Variants in PPP2R5B observed in about 807,000 individuals in gnomAD.
PPP2R5B encodes protein phosphatase 2 regulatory subunit B'beta, also known as serine/threonine-protein phosphatase 2A 56 kDa regulatory subunit beta isoform.
PPP2R5B carries 19 observed loss-of-function variants against 59.9 expected under a neutral mutation model. The observed-to-expected ratio is 0.32, with a 90% confidence interval of 0.22 to 0.47. PPP2R5B has a LOEUF of 0.47. Ranked by LOEUF, PPP2R5B falls within the 20% of genes least tolerant of loss-of-function variation. PPP2R5B has a pLI of 1.00. For missense variants in PPP2R5B, 441 were observed against 640.2 expected (o/e 0.69, Z 3.36); for synonymous variants, 286 against 260.5 (o/e 1.10, Z -0.94).
rs146685876 is a variant in PPP2R5B, at chr11:64,932,911, C to T, written c.1244+19C>T. 5.8e-3 allele frequency: 9,277 copies of T among 1,613,088 alleles called. 28 individuals carry two copies. Among genetic ancestry groups the T allele is most frequent in the Non-Finnish European group, 7.2e-3 (8,456 of 1,179,416 alleles). On this transcript the variant is annotated intron_variant, in intron 12 of 13. Coordinates refer to ENST00000164133, the MANE Select transcript of PPP2R5B (RefSeq NM_006244.4). The stretch of plus-strand genomic sequence containing the variant: ...GGAACCAGTGAGTGCCAGGCCATGA[C>T]CTAACTCACAGAAACTGGGACCAGG...
rs769631724 is a variant in PPP2R5B at position 64,930,307 on chromosome 11, G to A, written c.723-15G>A. ...CCCTGCTTGCTTTGAGCCCACCTGC[G>A]TTCTTCTCTTGCAGGTTCATCTATG... On this transcript the variant is annotated splice_polypyrimidine_tract_variant and intron_variant, in intron 6 of 13. Coordinates refer to ENST00000164133, the MANE Select transcript of PPP2R5B (RefSeq NM_006244.4). 28 of 1,613,788 alleles carry A rather than the reference G, an allele frequency of 1.7e-5. No homozygotes were observed. Among genetic ancestry groups the A allele is most frequent in the Middle Eastern group, 1.7e-4 (1 of 6,044 alleles).
chr11:64,926,937 G>A (rs553001690), intron 3 of PPP2R5B, 29 bp downstream of exon 3: 5 of 1,605,406 alleles, frequency 3.1e-6, no homozygotes, highest in East Asian at 2.2e-5. Context: ...GGCTCCGAGG[G>A]CCGGCCGAGA....
chr11:64,924,641 C>G (rs543364127), upstream of PPP2R5B: 4 of 152,366 alleles, frequency 2.6e-5, no homozygotes, highest in Non-Finnish European at 4.4e-5. Flanking sequence ...ACGCAGCCCC[C>G]CCTTTCAGCC....
chr11:64,930,588 A>C lies in PPP2R5B; in HGVS notation c.890A>C (p.Gln297Pro). 1 of 1,613,192 alleles carries C rather than the reference A, an allele frequency of 6.2e-7. No individual in the cohort carries two copies. Among genetic ancestry groups the C allele is most frequent in the South Asian group, 1.1e-5 (1 of 91,066 alleles). ...SVKSLSVFHA[Q>P]LAYCVVQFLE... ...AAGTCGCTGTCTGTCTTCCATGCCC[A>C]GGTGAGGCCCAGGCCTGTCCCTGCT... Residue 297 changes from glutamine to proline, a missense_variant and splice_region_variant, in exon 8 of 14, where the codon CAG becomes CCG. Coordinates refer to ENST00000164133, the MANE Select transcript of PPP2R5B (RefSeq NM_006244.4).
At chr11:64,926,641 G>A (rs1427740843) in intron 2 of PPP2R5B, 71 bp from the exon 3 acceptor site, 1 of 1,547,452 alleles carries the variant, frequency 6.5e-7, no homozygotes. Context: ...GATTAGGAGG[G>A]TCTGCCCCAC....
In PPP2R5B at chr11:64,933,900, TCTC is replaced by T. The variant is rs905099891; in HGVS notation, c.*59_*61del. ...CAGAGCTGTCAGTCCCTCTATCCCT[TCTC>T]CTGTCCAGGGGCCCAGAGAGAAACA... On this transcript the variant is annotated 3_prime_UTR_variant, in exon 14 of 14. Coordinates refer to ENST00000164133, the MANE Select transcript of PPP2R5B (RefSeq NM_006244.4). 16 of 1,440,996 alleles carry T rather than the reference TCTC, an allele frequency of 1.1e-5. No homozygotes were observed. The highest frequency in any genetic ancestry group is 1.9e-4 in the Middle Eastern group (1 of 5,388). 89.3% of individuals were successfully genotyped at this position (1,440,996 alleles called of 1,614,324 possible).
chr11:64,925,743 G>A lies in PPP2R5B; in HGVS notation c.9G>A (p.Thr3=), dbSNP rs530133859. The A allele has an allele frequency of 4.7e-5, 74 of 1,591,074 alleles. 1 individual carries two copies. In the South Asian group the frequency reaches 5.8e-4, roughly 13 times the overall value. Reference sequence around the variant, plus strand: ...CCTGCCGCCTGACCGCCATGGAGACGAAGCTGCCCCCTGCAAGCACCCCCA... The same window carrying A: ...CCTGCCGCCTGACCGCCATGGAGACAAAGCTGCCCCCTGCAAGCACCCCCA... ME[T]KLPPASTPTS... is the part of the protein sequence containing the mutation. Residue 3 remains threonine (T), a synonymous_variant, in exon 2 of 14, where the codon ACG becomes ACA. Transcript: ENST00000164133. This position sits in a 1 kb window ranked among gnomAD's most constrained non-coding sequence, Gnocchi z 4.6.
At chr11:64,930,610 T>A (rs770557070) in intron 8 of PPP2R5B, 21 bp downstream of exon 8, 1 of 1,600,740 alleles carries the variant, frequency 6.2e-7, no homozygotes, top group South Asian at 1.1e-5. Flanking sequence ...GGCCTGTCCC[T>A]GCTGCAGCAG....
intron 2 of PPP2R5B, 151 bp from the exon 3 acceptor site, chr11:64,926,561 T>C (rs1945165785): frequency 1.3e-6 from 1 of 765,236 alleles, no homozygotes. Flanking sequence ...ACAGTAGTTG[T>C]TTGCTGTCTG....
chr11:64,923,999 G>A (rs982498764), upstream of PPP2R5B, among the ~76,000 whole-genome samples: 1 of 152,190 alleles, frequency 6.6e-6, no homozygotes, highest in Non-Finnish European at 1.5e-5. Flanking sequence ...AGGGTCCAGG[G>A]GGGCTGAAAG....
rs890844344 is a variant in PPP2R5B, at chr11:64,932,148, G to A, written c.1116+280G>A. ...TCTTCACAGGGTGGGGATAAGGATG[G>A]AAGAGATTGTGAGTGTAAACATGTT... On this transcript the variant is annotated intron_variant, in intron 11 of 13. Coordinates refer to ENST00000164133, the MANE Select transcript of PPP2R5B (RefSeq NM_006244.4). 4.6e-5 allele frequency among the ~76,000 whole-genome samples: 7 copies of A among 152,212 alleles called. No homozygotes were observed. The East Asian group carries it at 1.3e-3, about 29-fold the overall frequency.
At chr11:64,921,455 C>A (rs1945109647), upstream of PPP2R5B, among the ~76,000 whole-genome samples, 1 of 152,226 alleles carries the variant, frequency 6.6e-6, no homozygotes, top group Non-Finnish European at 1.5e-5. Flanking sequence ...GAAAACTCAT[C>A]AGGCAAACTG....
At position 64,933,190 on chromosome 11, in the gene PPP2R5B, G is replaced by A. The variant is rs1945246762; in HGVS notation, c.1290G>A (p.Glu430=). The part of the protein sequence containing the change: ...LIYNVLKTFM[E]MNGKLFDELT... ...ACAATGTGCTCAAGACCTTCATGGA[G>A]ATGAATGGGAAGCTGTTTGATGAGC... The change falls in exon 13 of 14, where the codon GAG becomes GAA. Residue 430 remains glutamate (E), a synonymous_variant. Coordinates refer to ENST00000164133, the MANE Select transcript of PPP2R5B (RefSeq NM_006244.4). 1 of 1,613,618 alleles carries A rather than the reference G, an allele frequency of 6.2e-7. No individual in the cohort carries two copies. The highest frequency in any genetic ancestry group is 2.2e-5 in the East Asian group (1 of 44,880).
chr11:64,922,188 A>T (rs1340078005), upstream of PPP2R5B, among the ~76,000 whole-genome samples: 11 of 94,016 alleles, frequency 1.2e-4, no homozygotes, highest in South Asian at 2.1e-3. Context: ...AAAAAAAAAT[A>T]AAAAAATAAA....
rs1202619782 is a variant in PPP2R5B, at chr11:64,931,366, G to C, written c.892-70G>C. 2.0e-6 allele frequency: 3 copies of C among 1,537,728 alleles called. No individual in the cohort carries two copies. The highest frequency in any genetic ancestry group is 2.7e-5 in the African/African-American group (2 of 72,954). On this transcript the variant is annotated intron_variant, in intron 8 of 13. Coordinates refer to ENST00000164133, the MANE Select transcript of PPP2R5B (RefSeq NM_006244.4). The surrounding 1 kb of genome is among the most constrained non-coding windows in gnomAD (Gnocchi z 5.0). The stretch of plus-strand genomic sequence containing the variant: ...GAGCAGTATTTGGCATTCTGTCCTG[G>C]ACAGCAAGTCCTTGGCGCCTGGTGC...
chr11:64,920,964 AT>A (rs1184803390), upstream of PPP2R5B, among the ~76,000 whole-genome samples: 17 of 46,414 alleles, frequency 3.7e-4, no homozygotes, highest in Admixed American at 5.2e-4. Context: ...TATATATGTA[AT>A]TTTTTTTTTG....
At chr11:64,929,731 T>A (rs1945207997) in intron 6 of PPP2R5B, among the ~76,000 whole-genome samples, 1 of 152,074 alleles carries the variant, frequency 6.6e-6, no homozygotes, top group South Asian at 2.1e-4. Flanking sequence ...ATCTCAAAGA[T>A]AAGATAAAAA....
At position 64,931,277 on chromosome 11, in the gene PPP2R5B, A is replaced by G. The variant is rs1945225115; in HGVS notation, c.892-159A>G. Among the ~76,000 whole-genome samples, 1 of 152,230 alleles carries G rather than the reference A, an allele frequency of 6.6e-6. No homozygotes were observed. Among genetic ancestry groups the G allele is most frequent in the African/African-American group, 2.4e-5 (1 of 41,460 alleles). On this transcript the variant is annotated intron_variant, in intron 8 of 13. Transcript: ENST00000164133. The surrounding 1 kb of genome is among the most constrained non-coding windows in gnomAD (Gnocchi z 5.0). ...TTGTATTCCCAGCACACTGAATGTG[A>G]TGCCTGGTACATCCTAGGCAGGTGA...
chr11:64,920,826 C>T (rs1945102831), upstream of PPP2R5B, among the ~76,000 whole-genome samples: 1 of 151,732 alleles, frequency 6.6e-6, no homozygotes, highest in South Asian at 2.1e-4. Context: ...GATGGGGTTT[C>T]ACCGTGTTGG....
Sources: gnomAD v4.1 joint callset for allele counts (sites outside exome capture counted in the v4.1 genomes callset) on GRCh38, gnomAD v4.1.1 for gene constraint, Gnocchi (gnomAD v3.1) non-coding constraint, MANE v1.5 for transcripts, NCBI Gene and HGNC (gene_info 2026-07-23, HGNC 2026-07-21) for gene names.